RUNX1T1: variants seen among roughly 807,000 people sequenced by gnomAD.
The protein encoded by RUNX1T1 is RUNX1 partner transcriptional co-repressor 1.
Under a neutral mutation model 62.8 loss-of-function variants are expected in RUNX1T1, and 4 were observed. The observed-to-expected ratio is 0.06, with a 90% CI of 0.03 to 0.15. RUNX1T1 has a LOEUF of 0.15. RUNX1T1 is among the 10% of genes least tolerant of loss of function. The pLI is 1.00. For synonymous variants in RUNX1T1, 291 were observed against 286.0 expected (o/e 1.02, Z -0.18); for missense variants, 508 against 754.3 (o/e 0.67, Z 3.82).
At chr8:92,037,509 C>T (rs1337122815) in intron 1 of RUNX1T1, among the ~76,000 whole-genome samples, 16 of 152,128 alleles carry the variant, frequency 1.1e-4, no homozygotes, top group Admixed American at 1.0e-3. Flanking sequence ...GAAACCCTGT[C>T]TCTACAGAAA....
At chr8:92,013,667 G>GA (rs1289171760) in intron 3 of RUNX1T1, among the ~76,000 whole-genome samples, 1 of 152,064 alleles carries the variant, frequency 6.6e-6, no homozygotes, top group Non-Finnish European at 1.5e-5. Context: ...CACTTCTACA[G>GA]AAAATCACAA....
intron 1 of RUNX1T1, among the ~76,000 whole-genome samples, chr8:92,054,974 C>T (rs1830806529): frequency 1.3e-5 from 2 of 152,056 alleles, no homozygotes; most frequent in African/African-American, 4.8e-5. Context: ...CACTGCACTC[C>T]AGCCTGGGCG....
At chr8:92,054,029 T>C (rs1830630663) in intron 1 of RUNX1T1, among the ~76,000 whole-genome samples, 1 of 148,624 alleles carries the variant, frequency 6.7e-6, no homozygotes, top group Non-Finnish European at 1.5e-5. Flanking sequence ...CAAAGAAACA[T>C]GAAAATCAGT....
intron 10 of RUNX1T1, among the ~76,000 whole-genome samples, chr8:91,965,681 C>T (rs1349387914): frequency 6.6e-6 from 1 of 152,108 alleles, no homozygotes; most frequent in African/African-American, 2.4e-5. Flanking sequence ...AACACTCATG[C>T]CCAAGACTTT....
chr8:92,023,315 G>A (rs1824481574), intron 1 of RUNX1T1, among the ~76,000 whole-genome samples: 1 of 151,954 alleles, frequency 6.6e-6, no homozygotes, highest in Non-Finnish European at 1.5e-5. Flanking sequence ...AATATTCTCT[G>A]GTTTCTTTCT....
intron 1 of RUNX1T1, among the ~76,000 whole-genome samples, chr8:92,024,743 C>T (rs1035982131): frequency 6.6e-6 from 1 of 152,108 alleles, no homozygotes; most frequent in Non-Finnish European, 1.5e-5. Flanking sequence ...CCTTTTCAGT[C>T]TCTTAAGGGC....
At chr8:91,982,282 C>A (rs1815485213) in intron 8 of RUNX1T1, among the ~76,000 whole-genome samples, 2 of 149,760 alleles carry the variant, frequency 1.3e-5, no homozygotes, top group South Asian at 2.1e-4. Context: ...TGGAAGACTT[C>A]TAGAAAACAA....
rs56135737 is a variant in RUNX1T1, at chr8:91,982,918, C to CT, written c.1198+3205dup. On this transcript the variant is annotated intron_variant, in intron 8 of 10. Coordinates refer to ENST00000396218, the Ensembl canonical transcript of RUNX1T1. ...GAGATTTTAATATCTTAGGAAAATA[C>CT]TTTTTTTTTTTTTTTTTTTTTTTTT... Among the ~76,000 whole-genome samples the CT allele has an allele frequency of 1.8e-3, 110 of 59,624 alleles. 4 individuals are homozygous for CT. The highest frequency in any genetic ancestry group is 3.9e-3 in the African/African-American group (59 of 14,976). 39.1% of individuals were successfully genotyped at this position (59,624 alleles called of 152,430 possible). A position where few individuals can be genotyped will look rare whatever the true frequency, so the allele number is the denominator to read the frequency against.
At chr8:91,970,198 T>C (rs1812530495) in intron 10 of RUNX1T1, among the ~76,000 whole-genome samples, 1 of 152,178 alleles carries the variant, frequency 6.6e-6, no homozygotes, top group Non-Finnish European at 1.5e-5. Context: ...AAATATTCAG[T>C]TGATGCAAAC....
exon 11 of RUNX1T1, chr8:91,960,154 CAAAA>C (rs913511703): frequency 7.2e-7 from 1 of 1,380,476 alleles, no homozygotes; most frequent in Non-Finnish European, 9.9e-7. Flanking sequence ...AACAAACAAA[CAAAA>C]AAAACAACTT....
exon 1 of RUNX1T1, chr8:92,062,644 C>T: frequency 6.2e-7 from 1 of 1,613,858 alleles, no homozygotes; most frequent in Non-Finnish European, 8.5e-7. Context: ...TGAGTGGCAG[C>T]AGAGAGGAGG....
At chr8:92,046,482 G>A (rs949916656) in intron 1 of RUNX1T1, among the ~76,000 whole-genome samples, 4 of 152,062 alleles carry the variant, frequency 2.6e-5, no homozygotes, top group Non-Finnish European at 4.4e-5. Context: ...TCCCACCTCA[G>A]CCTCCCAAGT....
At chr8:92,089,784 T>C (rs1373488636) in intron 1 of RUNX1T1, among the ~76,000 whole-genome samples, 2 of 152,018 alleles carry the variant, frequency 1.3e-5, no homozygotes, top group Non-Finnish European at 2.9e-5. Context: ...AGATTTAGGA[T>C]AGCTATGGAA....
At chr8:91,994,419 G>C (rs755064399) in intron 5 of RUNX1T1, 10 of 245,094 alleles carry the variant, frequency 4.1e-5, no homozygotes, top group Non-Finnish European at 8.5e-5. Context: ...CATATTATCA[G>C]CATAAATCAG....
chr8:92,085,609 C>G (rs1835980497), intron 1 of RUNX1T1, among the ~76,000 whole-genome samples: 1 of 152,116 alleles, frequency 6.6e-6, no homozygotes, highest in African/African-American at 2.4e-5. Context: ...CCAATTCTGA[C>G]AGATTTTAGA....
At chr8:92,040,785 G>GT (rs1369604888) in intron 1 of RUNX1T1, among the ~76,000 whole-genome samples, 1 of 152,154 alleles carries the variant, frequency 6.6e-6, no homozygotes, top group Non-Finnish European at 1.5e-5. Flanking sequence ...TGTGCCTACA[G>GT]TCACAGCTAT....
rs543413811 is a variant in RUNX1T1, at chr8:92,073,062, C to T, written c.88+2903G>A. Among the ~76,000 whole-genome samples the T allele has an allele frequency of 9.8e-5, 15 of 152,314 alleles. 1 individual carries two copies. The South Asian group carries it at 2.9e-3, about 29-fold the overall frequency. ...TTTCCTCCCAAGCTGCTTCCTCTTA[C>T]ATCTTTTAGAAAACATATGGATCTT... On this transcript the variant is annotated intron_variant, in intron 2 of 11. Coordinates refer to the RUNX1T1 transcript ENST00000265814.
chr8:92,062,473 T>G, intron 1 of RUNX1T1: 1 of 1,512,574 alleles, frequency 6.6e-7, no homozygotes, highest in Non-Finnish European at 9.2e-7. Context: ...GCAGAAGGTA[T>G]TTTCCATGCA....
At chr8:92,064,829 C>A (rs1271844694), upstream of RUNX1T1, among the ~76,000 whole-genome samples, 34 of 152,154 alleles carry the variant, frequency 2.2e-4, 1 homozygote, top group Non-Finnish European at 1.5e-5. Context: ...GCAGCTCAGA[C>A]AATTGAACTT....
Sources: allele counts gnomAD v4.1 joint callset (sites outside exome capture counted in the v4.1 genomes callset), GRCh38; gene constraint gnomAD v4.1.1; transcripts MANE v1.5; gene names NCBI Gene and HGNC (gene_info 2026-07-23, HGNC 2026-07-21).